CHRNA9: variants seen among roughly 807,000 people sequenced by gnomAD.
CHRNA9 encodes the protein cholinergic receptor nicotinic alpha 9 subunit, also known as neuronal acetylcholine receptor subunit alpha-9.
A neutral mutation model predicts 36.8 loss-of-function variants in CHRNA9; 24 were observed. That is an observed-to-expected ratio of 0.65 (90% CI 0.47 to 0.92). The LOEUF is 0.92. Ranked by LOEUF, CHRNA9 falls within the 40% of genes least tolerant of loss-of-function variation. CHRNA9 has a pLI of 0.00. For missense variants in CHRNA9, 610 were observed against 601.2 expected, an observed-to-expected ratio of 1.01 and a Z score of -0.15; for synonymous variants, 231 against 231.8, an observed-to-expected ratio of 1.00 and a Z score of 0.03.
intron 3 of CHRNA9, among the ~76,000 whole-genome samples, chr4:40,345,660 C>A (rs763850886): frequency 1.3e-5 from 2 of 151,498 alleles, no homozygotes; most frequent in Non-Finnish European, 2.9e-5. Flanking sequence ...TGCAGTGAAC[C>A]AAGATTGTGC....
At chr4:40,342,184 T>A (rs560558850) in intron 3 of CHRNA9, among the ~76,000 whole-genome samples, 6 of 152,216 alleles carry the variant, frequency 3.9e-5, no homozygotes. Context: ...TCTTTAGCCA[T>A]ATAAGATGAT....
chr4:40,345,796 G>A (rs533409265), intron 3 of CHRNA9, among the ~76,000 whole-genome samples: 147 of 151,986 alleles, frequency 9.7e-4, no homozygotes, highest in African/African-American at 2.1e-3. Context: ...AGGCTGAGGC[G>A]GGTGGATCAC....
Position 40,354,072 on chromosome 4 carries a change from G to A in CHRNA9, c.992G>A (p.Arg331Gln), listed in dbSNP as rs1479555056. 16 of 1,614,112 alleles carry A rather than the reference G, an allele frequency of 9.9e-6. No homozygotes were observed. The highest frequency in any genetic ancestry group is 2.7e-5 in the African/African-American group (2 of 74,942). Residue 331 changes from arginine (R) to glutamine (Q), a missense_variant, in exon 5 of 5, where the codon CGG becomes CAG. Arg to Gln is a conservative substitution (Grantham distance 43). Transcript: ENST00000310169. ...MNIHFCGAEARPVPHWARVVI... is the reference protein window; with the variant it reads ...MNIHFCGAEAQPVPHWARVVI... ...ATCCACTTCTGTGGGGCCGAGGCCC[G>A]GCCGGTGCCACACTGGGCCAGGGTG...
At chr4:40,345,678 C>G (rs1712618478) in intron 3 of CHRNA9, among the ~76,000 whole-genome samples, 2 of 151,780 alleles carry the variant, frequency 1.3e-5, no homozygotes, top group Non-Finnish European at 2.9e-5. Context: ...TGCCACTGCA[C>G]TAAAGCCTGG....
At chr4:40,350,722 A>ACACACACCCC (rs1215274776) in intron 4 of CHRNA9, among the ~76,000 whole-genome samples, 40 of 151,480 alleles carry the variant, frequency 2.6e-4, no homozygotes, top group African/African-American at 9.5e-4. Flanking sequence ...ACACACACAC[A>ACACACACCCC]CACACCTCTC....
rs759927436 is a variant in CHRNA9, at chr4:40,349,418, A to G, written c.898+4A>G. 25 of 1,607,598 alleles carry G rather than the reference A, an allele frequency of 1.6e-5. No individual in the cohort carries two copies. The highest frequency in any genetic ancestry group is 2.1e-5 in the Non-Finnish European group (25 of 1,176,258). ...TCAGAAAATGTGCCCCTGATAGGTG[A>G]GTCCAAGTGTCTTCCACTTCAAGCC... On this transcript the variant is annotated splice_donor_region_variant and intron_variant, in intron 4 of 4. Transcript: ENST00000310169.
At chr4:40,351,076 G>T (rs573732222) in intron 4 of CHRNA9, among the ~76,000 whole-genome samples, 4 of 151,046 alleles carry the variant, frequency 2.6e-5, no homozygotes, top group Non-Finnish European at 5.9e-5. Context: ...GGTAGCTCAC[G>T]CCTGTAATCC....
In CHRNA9 at chr4:40,349,089, C is replaced by A; in HGVS notation, c.573C>A (p.Ser191Arg). The change falls in exon 4 of 5, where the codon AGC (serine) becomes AGA (arginine). Residue 191 changes from serine to arginine, a missense_variant. Transcript: ENST00000310169. ...TGGACATATTCAACGCCTTGGACAGCGGAGATCTCTCTGACTTCATTGAAG... is the reference window on the plus strand; with the variant it reads ...TGGACATATTCAACGCCTTGGACAGAGGAGATCTCTCTGACTTCATTGAAG... Reference protein sequence around the residue: ...NQVDIFNALDSGDLSDFIEDV... With the variant: ...NQVDIFNALDRGDLSDFIEDV... The A allele has an allele frequency of 6.2e-7, 1 of 1,614,080 alleles. No individual in the cohort carries two copies. The highest frequency in any genetic ancestry group is 8.5e-7 in the Non-Finnish European group (1 of 1,180,010).
chr4:40,349,686 A>T (rs887986781), intron 4 of CHRNA9: 1 of 369,798 alleles, frequency 2.7e-6, no homozygotes, highest in South Asian at 5.9e-5. Flanking sequence ...GGTGGTCCCC[A>T]GATGCACAGC....
chr4:40,344,156 C>T (rs556073871), intron 3 of CHRNA9, among the ~76,000 whole-genome samples: 7 of 152,316 alleles, frequency 4.6e-5, no homozygotes, highest in Admixed American at 2.0e-4. Context: ...CTGGAGTCTC[C>T]AGAAGGAATG....
At chr4:40,353,898 T>C (rs1312676884) in intron 4 of CHRNA9, 81 bp from the exon 5 acceptor site, 5 of 1,233,970 alleles carry the variant, frequency 4.1e-6, no homozygotes, top group Non-Finnish European at 5.7e-6. Context: ...TCTCAGAATG[T>C]ATCCCTGTTG....
chr4:40,338,711 C>A (rs1168305106), intron 3 of CHRNA9, among the ~76,000 whole-genome samples: 2 of 152,072 alleles, frequency 1.3e-5, no homozygotes, highest in African/African-American at 4.8e-5. Flanking sequence ...GTTTTTCTGT[C>A]CATTCCCAAC....
At chr4:40,350,246 C>A (rs1373958700) in intron 4 of CHRNA9, among the ~76,000 whole-genome samples, 1 of 152,038 alleles carries the variant, frequency 6.6e-6, no homozygotes, top group African/African-American at 2.4e-5. Context: ...AGCAACTTGG[C>A]CGAGATTTGG....
chr4:40,350,433 C>A (rs1346745666), intron 4 of CHRNA9, among the ~76,000 whole-genome samples: 1 of 152,070 alleles, frequency 6.6e-6, no homozygotes, highest in African/African-American at 2.4e-5. Context: ...CCAAGGATAC[C>A]CTTGAGATCC....
chr4:40,336,180 A>G (rs1405881459), intron 2 of CHRNA9, among the ~76,000 whole-genome samples: 1 of 152,226 alleles, frequency 6.6e-6, no homozygotes, highest in East Asian at 1.9e-4. Flanking sequence ...CATTAACTGT[A>G]ACAGTCTTAG....
rs1553868797 is a variant in CHRNA9, at chr4:40,338,883, T to TGTCTCTCTCTCTCC, written c.365+1519_365+1520insGTCTCTCTCTCTCC. ...CTCTCTCTCTGTCTCTCTCTCTCCC[T>TGTCTCTCTCTCTCC]CTCTCTCTCACACACACACACACAC... On this transcript the variant is annotated intron_variant, in intron 3 of 4. Coordinates refer to ENST00000310169, the MANE Select transcript of CHRNA9 (RefSeq NM_017581.4). Among the ~76,000 whole-genome samples, 8 of 27,672 alleles carry TGTCTCTCTCTCTCC rather than the reference T, an allele frequency of 2.9e-4. No homozygotes were observed. In the East Asian group the frequency reaches 0.083, roughly 288 times the overall value. The allele number at this position is 27,672 out of a possible 152,430, so 18.2% of individuals were successfully genotyped here. A position where few individuals can be genotyped will look rare whatever the true frequency, so the allele number is the denominator to read the frequency against.
intron 3 of CHRNA9, among the ~76,000 whole-genome samples, chr4:40,341,198 C>T (rs1339394191): frequency 2.0e-5 from 3 of 151,644 alleles, no homozygotes; most frequent in African/African-American, 4.8e-5. Flanking sequence ...GGATTCCTGA[C>T]ATTTTTAGAT....
chr4:40,342,070 G>A (rs990694070), intron 3 of CHRNA9, among the ~76,000 whole-genome samples: 46 of 152,180 alleles, frequency 3.0e-4, no homozygotes, highest in Admixed American at 2.5e-3. Context: ...ATTTTAATGA[G>A]CAGTTTTAAT....
chr4:40,343,305 A>T (rs1239850087), intron 3 of CHRNA9, among the ~76,000 whole-genome samples: 12 of 152,206 alleles, frequency 7.9e-5, no homozygotes, highest in Non-Finnish European at 2.9e-5. Flanking sequence ...TAAAGGAATG[A>T]GGTTTAATGG....
Sources: allele counts gnomAD v4.1 joint callset (sites outside exome capture counted in the v4.1 genomes callset), GRCh38; gene constraint gnomAD v4.1.1; transcripts MANE v1.5; gene names NCBI Gene and HGNC (gene_info 2026-07-23, HGNC 2026-07-21).